Variants in KCNB2 observed in about 807,000 individuals in gnomAD.
The protein encoded by KCNB2 is delayed rectifier potassium channel protein.
In KCNB2, 15 loss-of-function variants were observed where a neutral mutation model predicts 61.5. The observed-to-expected ratio is 0.24, with a 90% CI of 0.16 to 0.38. The LOEUF (loss-of-function observed/expected upper bound fraction) is 0.38, where lower values mean the gene tolerates loss of function less well. KCNB2 is among the 10% of genes least tolerant of loss of function. The pLI, the probability that KCNB2 is intolerant of heterozygous loss-of-function variation, is 1.00. For missense variants in KCNB2, 828 were observed against 1,125.2 expected, an observed-to-expected ratio of 0.74 and a Z score of 3.78; for synonymous variants, 457 against 446.0, an observed-to-expected ratio of 1.02 and a Z score of -0.31.
intron 1 of KCNB2, among the ~76,000 whole-genome samples, chr8:72,539,759 A>C (rs1277138393): frequency 6.6e-6 from 1 of 152,172 alleles, no homozygotes; most frequent in African/African-American, 2.4e-5. Context: ...TTTGCATTTC[A>C]CTGTTCTCCA....
chr8:72,566,098 G>A (rs1806620376), intron 1 of KCNB2, among the ~76,000 whole-genome samples: 1 of 152,142 alleles, frequency 6.6e-6, no homozygotes. Flanking sequence ...CTAGAACACA[G>A]TATGGAAAGG....
intron 2 of KCNB2, among the ~76,000 whole-genome samples, chr8:72,865,159 T>G (rs1159764368): frequency 6.6e-6 from 1 of 152,158 alleles, no homozygotes; most frequent in African/African-American, 2.4e-5. Context: ...GTTGGCTGAG[T>G]TGTAGCCATA....
chr8:72,791,041 ACT>A (rs1808933644), intron 2 of KCNB2, among the ~76,000 whole-genome samples: 1 of 152,124 alleles, frequency 6.6e-6, no homozygotes, highest in African/African-American at 2.4e-5. Flanking sequence ...TCAGCAAATG[ACT>A]CTTCCCAAGG....
At chr8:72,775,585 G>A (rs777591022) in intron 2 of KCNB2, among the ~76,000 whole-genome samples, 22 of 151,976 alleles carry the variant, frequency 1.4e-4, no homozygotes, top group Admixed American at 2.6e-4. Context: ...ACTTGACTTC[G>A]TGACTCACAG....
At position 72,735,434 on chromosome 8, in the gene KCNB2, C is replaced by T. The variant is rs921136800; in HGVS notation, c.579+167121C>T. 2.6e-5 allele frequency among the ~76,000 whole-genome samples: 4 copies of T among 152,152 alleles called. No homozygotes were observed. The South Asian group carries it at 8.3e-4, about 31-fold the overall frequency. ...CCCCGCAAGAAATCTGTACATCACC[C>T]TTGATACTCAGCTCGGGTAAAGGTC... On this transcript the variant is annotated intron_variant, in intron 2 of 2. Transcript: ENST00000523207.
At chr8:72,704,645 A>G (rs1807189321) in intron 2 of KCNB2, among the ~76,000 whole-genome samples, 1 of 152,042 alleles carries the variant, frequency 6.6e-6, no homozygotes, top group Admixed American at 6.6e-5. Flanking sequence ...CTAGCACCAA[A>G]ACTATGGAGT....
At chr8:72,610,967 G>A (rs1267558457) in intron 2 of KCNB2, among the ~76,000 whole-genome samples, 1 of 152,140 alleles carries the variant, frequency 6.6e-6, no homozygotes, top group African/African-American at 2.4e-5. Context: ...CCTGCCCTAG[G>A]GTTGAGGGAA....
At chr8:72,770,762 C>T (rs1465960378) in intron 2 of KCNB2, among the ~76,000 whole-genome samples, 1 of 152,170 alleles carries the variant, frequency 6.6e-6, no homozygotes, top group Non-Finnish European at 1.5e-5. Flanking sequence ...ATTATTATTA[C>T]TAGGACAAAG....
intron 2 of KCNB2, chr8:72,750,444 A>C (rs578117068): frequency 6.6e-6 from 1 of 152,316 alleles, no homozygotes; most frequent in Admixed American, 6.5e-5. Flanking sequence ...CAAAGTGATT[A>C]GACCTCCTTC....
intron 2 of KCNB2, among the ~76,000 whole-genome samples, chr8:72,606,479 G>T (rs1466836892): frequency 6.6e-6 from 1 of 152,140 alleles, no homozygotes; most frequent in Non-Finnish European, 1.5e-5. Context: ...ATGGTGATTT[G>T]TGATTTTATT....
chr8:72,606,255 A>G (rs1339330254), intron 2 of KCNB2, among the ~76,000 whole-genome samples: 1 of 152,190 alleles, frequency 6.6e-6, no homozygotes, highest in Non-Finnish European at 1.5e-5. Flanking sequence ...GGGAAAAACT[A>G]GAAGCAATTA....
chr8:72,935,254 T>G (rs993478091), intron 2 of KCNB2, among the ~76,000 whole-genome samples: 1 of 152,194 alleles, frequency 6.6e-6, no homozygotes, highest in Non-Finnish European at 1.5e-5. Context: ...ATGTCAGCCC[T>G]GCACTGAAAT....
At chr8:72,779,552 A>G (rs1204624188) in intron 2 of KCNB2, among the ~76,000 whole-genome samples, 1 of 152,178 alleles carries the variant, frequency 6.6e-6, no homozygotes, top group African/African-American at 2.4e-5. Flanking sequence ...TTTAAAATAT[A>G]TCTGACATGG....
intron 2 of KCNB2, among the ~76,000 whole-genome samples, chr8:72,833,570 G>T (rs888193523): frequency 6.6e-6 from 1 of 152,124 alleles, no homozygotes; most frequent in African/African-American, 2.4e-5. Context: ...TATTTAGGGT[G>T]GGAGATAGCA....
chr8:72,864,985 T>A (rs1275649966), intron 2 of KCNB2, among the ~76,000 whole-genome samples: 3 of 152,178 alleles, frequency 2.0e-5, no homozygotes, highest in Non-Finnish European at 4.4e-5. Flanking sequence ...CCCAACCTCC[T>A]GCTGGGCCTC....
chr8:72,783,198 G>T (rs1309178150), intron 2 of KCNB2, among the ~76,000 whole-genome samples: 1 of 152,104 alleles, frequency 6.6e-6, no homozygotes, highest in Non-Finnish European at 1.5e-5. Flanking sequence ...TCTTCAAGGG[G>T]TTCCAACTTC....
chr8:72,569,633 T>TA (rs11463448), intron 2 of KCNB2, among the ~76,000 whole-genome samples: 35,822 of 150,172 alleles, frequency 0.24, 6,240 homozygotes, highest in African/African-American at 0.49. Flanking sequence ...ATTTTACTTG[T>TA]AAAAAAAAAA....
intron 1 of KCNB2, among the ~76,000 whole-genome samples, chr8:72,564,733 T>C (rs1806597994): frequency 6.6e-6 from 1 of 152,154 alleles, no homozygotes; most frequent in South Asian, 2.1e-4. Context: ...TATGTGTGGG[T>C]TGAGGGCTCA....
chr8:72,644,012 G>C (rs1806092721), intron 2 of KCNB2, among the ~76,000 whole-genome samples: 1 of 152,054 alleles, frequency 6.6e-6, no homozygotes, highest in South Asian at 2.1e-4. Flanking sequence ...CAACATCTGG[G>C]AAAAGAATGC....
Sources: allele counts gnomAD v4.1 joint callset (sites outside exome capture counted in the v4.1 genomes callset), GRCh38; gene constraint gnomAD v4.1.1; transcripts MANE v1.5; gene names NCBI Gene and HGNC (gene_info 2026-07-23, HGNC 2026-07-21).